The following CPA6 variants were observed in gnomAD, a reference collection of about 807,000 sequenced individuals.
CPA6 encodes the protein carboxypeptidase A6.
In CPA6, 58 loss-of-function variants were observed where a neutral mutation model predicts 63.3. The ratio of observed to expected loss-of-function variants is 0.92; its 90% CI spans 0.74 to 1.14. The LOEUF is 1.14. Among genes scored for constraint, CPA6 ranks in the 50% most tolerant of loss-of-function variants. CPA6 has a pLI of 0.00. For synonymous variants in CPA6, 185 were observed against 179.0 expected (o/e 1.03, Z -0.27); for missense variants, 565 against 526.6 (o/e 1.07, Z -0.71).
intron 1 of CPA6, among the ~76,000 whole-genome samples, chr8:67,644,122 ATT>A (rs201108627): frequency 4.2e-5 from 6 of 144,258 alleles, no homozygotes; most frequent in African/African-American, 2.5e-5. Flanking sequence ...TTGCTGTCTT[ATT>A]TTTTTTTTTT....
intron 1 of CPA6, among the ~76,000 whole-genome samples, chr8:67,720,495 T>C (rs945899040): frequency 6.6e-6 from 1 of 152,186 alleles, no homozygotes; most frequent in Non-Finnish European, 1.5e-5. Flanking sequence ...CCAATGTCTC[T>C]GAGACAGAGA....
At chr8:67,698,599 G>T (rs181414509) in intron 1 of CPA6, among the ~76,000 whole-genome samples, 4 of 152,264 alleles carry the variant, frequency 2.6e-5, no homozygotes, top group Admixed American at 2.6e-4. Context: ...ATCAATATAA[G>T]TCGATATGTC....
chr8:67,680,913 G>T (rs1331514375), intron 1 of CPA6, among the ~76,000 whole-genome samples: 1 of 152,180 alleles, frequency 6.6e-6, no homozygotes, highest in Non-Finnish European at 1.5e-5. Flanking sequence ...TGAAGTGTCT[G>T]TTGAAATACT....
chr8:67,619,359 A>T (rs561500431), intron 2 of CPA6, among the ~76,000 whole-genome samples: 5 of 152,346 alleles, frequency 3.3e-5, no homozygotes, highest in Admixed American at 2.6e-4. Context: ...CCTATTTATC[A>T]TCTCACAGTT....
intron 1 of CPA6, among the ~76,000 whole-genome samples, chr8:67,636,191 ATGCAATTC>A (rs1265383421): frequency 6.6e-6 from 1 of 151,496 alleles, no homozygotes; most frequent in African/African-American, 2.5e-5. Context: ...ACAAGCAGAT[ATGCAATTC>A]TGCATGCCAT....
At chr8:67,602,980 G>A (rs1174045494) in intron 2 of CPA6, among the ~76,000 whole-genome samples, 4 of 151,656 alleles carry the variant, frequency 2.6e-5, no homozygotes, top group Non-Finnish European at 4.4e-5. Flanking sequence ...TCCTTAAAAA[G>A]AAAAACAAAA....
At position 67,475,784 on chromosome 8, in the gene CPA6, T is replaced by TC. The variant is rs375753158; in HGVS notation, c.838+7983dup. ...CTTTCTTTCTCTTTCTTTCTTTCTT[T>TC]CTTTCTTTCTTTCTTTCTTTCTTTC... On this transcript the variant is annotated intron_variant, in intron 8 of 10. Transcript: ENST00000297770. Among the ~76,000 whole-genome samples, 52 of 59,254 alleles carry TC rather than the reference T, an allele frequency of 8.8e-4. 2 individuals are homozygous for TC. Among genetic ancestry groups the TC allele is most frequent in the African/African-American group, 2.6e-3 (22 of 8,466 alleles). The allele number at this position is 59,254 out of a possible 152,430, so 38.9% of individuals were successfully genotyped here.
chr8:67,475,871 C>CTCTCTCT (rs1811201190), intron 8 of CPA6, among the ~76,000 whole-genome samples: 1 of 79,850 alleles, frequency 1.3e-5, no homozygotes, highest in African/African-American at 5.3e-5. Flanking sequence ...TTCTTTCTTT[C>CTCTCTCT]TTTCTTTCTC....
chr8:67,615,415 G>A (rs1396784287), intron 2 of CPA6, among the ~76,000 whole-genome samples: 1 of 152,066 alleles, frequency 6.6e-6, no homozygotes, highest in Non-Finnish European at 1.5e-5. Flanking sequence ...CTTTAAAAGT[G>A]GAAATGGTTA....
At chr8:67,681,475 C>T (rs977586250) in intron 1 of CPA6, among the ~76,000 whole-genome samples, 1 of 151,978 alleles carries the variant, frequency 6.6e-6, no homozygotes, top group Non-Finnish European at 1.5e-5. Context: ...TCCCAAAGTG[C>T]TGGGATTACA....
chr8:67,648,258 G>GT (rs4009129), intron 1 of CPA6, among the ~76,000 whole-genome samples: 3,310 of 113,834 alleles, frequency 0.029, 160 homozygotes, highest in African/African-American at 0.082. Flanking sequence ...CCTAGATTAG[G>GT]TTTTTTTTTT....
chr8:67,683,075 C>T (rs915897117), intron 1 of CPA6, among the ~76,000 whole-genome samples: 1 of 152,290 alleles, frequency 6.6e-6, no homozygotes. Flanking sequence ...ACCCGGGCTT[C>T]CCCCCGGTCT....
intron 1 of CPA6, among the ~76,000 whole-genome samples, chr8:67,654,335 G>T (rs2128991891): frequency 1.3e-5 from 2 of 152,298 alleles, no homozygotes; most frequent in East Asian, 3.9e-4. Context: ...GCTCCTCCTT[G>T]TACCTCTAGT....
Position 67,741,023 on chromosome 8 carries a change from G to A in CPA6, c.116+4991C>T, listed in dbSNP as rs568592625. ...TGGCTAACCAGCACATACCAGCTGC[G>A]TGCATAGTGAGTGATACCCAGCCCT... On this transcript the variant is annotated intron_variant, in intron 1 of 10. Transcript: ENST00000297770. Among the ~76,000 whole-genome samples the A allele has an allele frequency of 2.6e-4, 39 of 152,260 alleles. No homozygotes were observed. In the South Asian group the frequency reaches 7.0e-3, roughly 28 times the overall value.
chr8:67,648,634 A>G (rs1815769041), intron 1 of CPA6, among the ~76,000 whole-genome samples: 1 of 152,128 alleles, frequency 6.6e-6, no homozygotes, highest in Admixed American at 6.5e-5. Context: ...TGGGAGTACT[A>G]ATTTCTGTGA....
chr8:67,652,032 T>A lies in CPA6; in HGVS notation c.117-27781A>T, dbSNP rs374930230. On this transcript the variant is annotated intron_variant, in intron 1 of 10. Coordinates refer to ENST00000297770, the MANE Select transcript of CPA6 (RefSeq NM_020361.5). ...CTTGGTGATAGTTTGCTGGGAATGA[T>A]GGTTTCCAGTTTCATCCATGTCCCT... Among the ~76,000 whole-genome samples the A allele has an allele frequency of 2.0e-4, 31 of 152,266 alleles. No homozygotes were observed. In the South Asian group the frequency reaches 3.9e-3, roughly 19 times the overall value.
intron 1 of CPA6, among the ~76,000 whole-genome samples, chr8:67,650,397 A>G (rs1587669907): frequency 6.6e-6 from 1 of 152,220 alleles, no homozygotes; most frequent in East Asian, 1.9e-4. Flanking sequence ...CTCTATGTTC[A>G]TCTGTTCATT....
At chr8:67,728,447 A>G (rs1373327299) in intron 1 of CPA6, among the ~76,000 whole-genome samples, 3 of 152,104 alleles carry the variant, frequency 2.0e-5, no homozygotes, top group African/African-American at 7.2e-5. Flanking sequence ...ATTTATAGAC[A>G]TTTATAGCCG....
chr8:67,729,326 A>G (rs1018322330), intron 1 of CPA6, among the ~76,000 whole-genome samples: 6 of 152,346 alleles, frequency 3.9e-5, no homozygotes, highest in Non-Finnish European at 7.3e-5. Context: ...AGCATGAAAA[A>G]AAGCCCTAAT....
Sources: gnomAD v4.1 joint callset for allele counts (sites outside exome capture counted in the v4.1 genomes callset) on GRCh38, gnomAD v4.1.1 for gene constraint, MANE v1.5 for transcripts, NCBI Gene and HGNC (gene_info 2026-07-23, HGNC 2026-07-21) for gene names.